LNX2: variants seen among roughly 807,000 people sequenced by gnomAD.
The protein encoded by LNX2 is ligand of Numb protein X 2.
LNX2 carries 35 observed loss-of-function variants against 66.2 expected under a neutral mutation model. The ratio of observed to expected loss-of-function variants is 0.53; its 90% CI spans 0.40 to 0.70. The LOEUF is 0.70. LNX2 is among the 30% of genes least tolerant of loss of function. The probability of loss-of-function intolerance (pLI) is 0.00; values close to 1 mark genes in which losing one functional copy is unlikely to be tolerated. For missense variants in LNX2, 791 were observed against 850.8 expected, an observed-to-expected ratio of 0.93 and a Z score of 0.87; for synonymous variants, 337 against 315.6, an observed-to-expected ratio of 1.07 and a Z score of -0.72.
intron 1 of LNX2, among the ~76,000 whole-genome samples, chr13:27,583,239 TGTGTGTGTGTGTGTGTGCGCGC>T (rs1566124820): frequency 5.7e-5 from 1 of 17,692 alleles, no homozygotes; most frequent in Non-Finnish European, 1.1e-4. Context: ...TGTGTGTGTG[TGTGTGTGTGTGTGTGTGCGCGC>T]GTCCTCTCCA....
chr13:27,579,265 T>C (rs925759676), intron 2 of LNX2, among the ~76,000 whole-genome samples: 7 of 152,250 alleles, frequency 4.6e-5, no homozygotes, highest in African/African-American at 1.7e-4. Flanking sequence ...TGTTCATCAC[T>C]ATCTGTTCAA....
intron 5 of LNX2, 122 bp downstream of exon 5, chr13:27,562,291 A>C: frequency 8.1e-7 from 1 of 1,241,470 alleles, no homozygotes; most frequent in Non-Finnish European, 1.1e-6. Flanking sequence ...AGGTAGCCAC[A>C]CCCGATTTTC....
At chr13:27,565,706 A>T (rs901751677) in intron 4 of LNX2, among the ~76,000 whole-genome samples, 1 of 151,802 alleles carries the variant, frequency 6.6e-6, no homozygotes, top group South Asian at 2.1e-4. Flanking sequence ...AGTATTTGGT[A>T]AAAAAAACAC....
chr13:27,591,964 G>T (rs1478103642), intron 1 of LNX2, among the ~76,000 whole-genome samples: 1 of 152,180 alleles, frequency 6.6e-6, no homozygotes, highest in Non-Finnish European at 1.5e-5. Flanking sequence ...ACAGGCAAAT[G>T]AAACAATAAG....
chr13:27,553,271 A>G lies in LNX2; in HGVS notation c.1715T>C (p.Phe572Ser). 1 of 1,614,214 alleles carries G rather than the reference A, an allele frequency of 6.2e-7. No homozygotes were observed. Among genetic ancestry groups the G allele is most frequent in the Non-Finnish European group, 8.5e-7 (1 of 1,180,028 alleles). ...TQNAEEQPST[F>S]SENEYDASWS... ...ACTGGCATCATACTCATTTTCGCTGAAAGTACTCGGCTGCTCCTCCGCGTT... is the reference window on the plus strand; with the variant it reads ...ACTGGCATCATACTCATTTTCGCTGGAAGTACTCGGCTGCTCCTCCGCGTT... The change falls in exon 8 of 10, where the codon TTC becomes TCC. Residue 572 changes from phenylalanine (F) to serine (S), a missense_variant. By Grantham distance (155) the Phe-to-Ser change is radical (BLOSUM62 -2). Transcript: ENST00000316334.
At chr13:27,606,976 T>C (rs1955724070) in intron 1 of LNX2, among the ~76,000 whole-genome samples, 1 of 152,238 alleles carries the variant, frequency 6.6e-6, no homozygotes, top group Non-Finnish European at 1.5e-5. Flanking sequence ...CAATGCTTTT[T>C]CTTTACTGCT....
chr13:27,583,261 C>CGCGCGCGCGCCGCGT (rs11281345), intron 1 of LNX2, among the ~76,000 whole-genome samples: 2 of 45,480 alleles, frequency 4.4e-5, no homozygotes, highest in Admixed American at 2.2e-4. Flanking sequence ...TGTGTGCGCG[C>CGCGCGCGCGCCGCGT]GTCCTCTCCA....
intron 1 of LNX2, among the ~76,000 whole-genome samples, chr13:27,616,693 T>C (rs1179256779): frequency 6.6e-6 from 1 of 152,252 alleles, no homozygotes. Flanking sequence ...CCTGCTTCTT[T>C]AAAAGCATAC....
intron 1 of LNX2, among the ~76,000 whole-genome samples, chr13:27,611,997 G>A (rs1955778663): frequency 2.6e-5 from 4 of 152,192 alleles, no homozygotes; most frequent in Admixed American, 1.3e-4. Context: ...TGATAAAGCC[G>A]CTCCTGAAGG....
At chr13:27,595,785 G>C (rs1955590452) in intron 1 of LNX2, among the ~76,000 whole-genome samples, 1 of 152,064 alleles carries the variant, frequency 6.6e-6, no homozygotes, top group Admixed American at 6.6e-5. Flanking sequence ...TCTTGTACCT[G>C]GATATTATCT....
At chr13:27,583,243 T>TGCGCGCGCGCGC (rs1254198656) in intron 1 of LNX2, among the ~76,000 whole-genome samples, 2 of 21,678 alleles carry the variant, frequency 9.2e-5, no homozygotes, top group African/African-American at 5.3e-4. Context: ...TGTGTGTGTG[T>TGCGCGCGCGCGC]GTGTGTGTGT....
chr13:27,599,565 G>T (rs896949566), intron 1 of LNX2, among the ~76,000 whole-genome samples: 1 of 152,124 alleles, frequency 6.6e-6, no homozygotes, highest in Non-Finnish European at 1.5e-5. Context: ...ATATACTTAT[G>T]TTCTAACCAG....
chr13:27,562,320 C>T, intron 5 of LNX2, 93 bp downstream of exon 5: 2 of 1,420,516 alleles, frequency 1.4e-6, no homozygotes, highest in Non-Finnish European at 1.9e-6. Context: ...TATAAAATGT[C>T]CCCTGAATTC....
intron 2 of LNX2, among the ~76,000 whole-genome samples, chr13:27,570,400 G>A (rs1274121567): frequency 6.6e-6 from 1 of 152,180 alleles, no homozygotes; most frequent in Non-Finnish European, 1.5e-5. Flanking sequence ...AACTATAAAA[G>A]TAATATTTTC....
At chr13:27,589,669 C>T (rs74040814) in intron 1 of LNX2, among the ~76,000 whole-genome samples, 85 of 152,186 alleles carry the variant, frequency 5.6e-4, no homozygotes, top group African/African-American at 2.0e-3. Flanking sequence ...AACTGGGTTA[C>T]CTGCCTGATT....
chr13:27,569,213 T>G lies in LNX2; in HGVS notation c.471A>C (p.Ala157=). ...LERRKTSRTQ[A]EIENENGPTL... ...TGGGCCCATTTTCATTCTCAATCTC[T>G]GCTTGAGTTCTACTAGTTTTCCTTC... Residue 157 remains alanine (A), a synonymous_variant, in exon 3 of 10, where the codon GCA becomes GCC. Transcript: ENST00000316334. 6.2e-7 allele frequency: 1 copy of G among 1,613,554 alleles called. No homozygotes were observed.
In LNX2 at chr13:27,581,740, C is replaced by G. The variant is rs759994523; in HGVS notation, c.-37G>C. On this transcript the variant is annotated 5_prime_UTR_variant, in exon 2 of 10. Coordinates refer to ENST00000316334, the MANE Select transcript of LNX2 (RefSeq NM_153371.4). ...TCTGTATCCTCATGTGTTAGACTTC[C>G]ACTTCACGCTTGGTTTCCTTTAACA... is the stretch of plus-strand genomic sequence containing the variant. The G allele has an allele frequency of 6.5e-7, 1 of 1,530,578 alleles. No individual in the cohort carries two copies. Among genetic ancestry groups the G allele is most frequent in the Admixed American group, 2.0e-5 (1 of 49,122 alleles). 94.8% of individuals were successfully genotyped at this position (1,530,578 alleles called of 1,614,324 possible).
At chr13:27,606,661 G>A (rs1955720638) in intron 1 of LNX2, among the ~76,000 whole-genome samples, 1 of 152,080 alleles carries the variant, frequency 6.6e-6, no homozygotes, top group African/African-American at 2.4e-5. Flanking sequence ...AATATGCCTG[G>A]AAGGATATAC....
intron 1 of LNX2, among the ~76,000 whole-genome samples, chr13:27,583,255 T>TGTGTGTGTGCGCGCGCGCGCGCGC (rs1555268514): frequency 1.7e-5 from 1 of 58,530 alleles, no homozygotes; most frequent in Non-Finnish European, 3.2e-5. Context: ...TGTGTGTGTG[T>TGTGTGTGTGCGCGCGCGCGCGCGC]GCGCGCGTCC....
Sources: gnomAD v4.1 joint callset for allele counts (sites outside exome capture counted in the v4.1 genomes callset) on GRCh38, gnomAD v4.1.1 for gene constraint, MANE v1.5 for transcripts, NCBI Gene and HGNC (gene_info 2026-07-23, HGNC 2026-07-21) for gene names.